PTPN2: variants seen among roughly 807,000 people sequenced by gnomAD.
PTPN2 encodes the protein protein tyrosine phosphatase non-receptor type 2, also known as tyrosine-protein phosphatase non-receptor type 2.
PTPN2 carries 19 observed loss-of-function variants against 57.3 expected under a neutral mutation model. The observed-to-expected ratio is 0.33, with a 90% confidence interval of 0.23 to 0.49. The LOEUF (loss-of-function observed/expected upper bound fraction) is 0.49, where lower values mean the gene tolerates loss of function less well. Among genes scored for constraint, PTPN2 ranks in the 20% least tolerant of loss-of-function variants. The pLI, the probability that PTPN2 is intolerant of heterozygous loss-of-function variation, is 0.99. For synonymous variants in PTPN2, 153 were observed against 164.9 expected, an observed-to-expected ratio of 0.93 and a Z score of 0.55; for missense variants, 358 against 501.1, an observed-to-expected ratio of 0.71 and a Z score of 2.73.
chr18:12,838,637 A>G (rs2042948791), intron 2 of PTPN2, among the ~76,000 whole-genome samples: 1 of 152,182 alleles, frequency 6.6e-6, no homozygotes, highest in African/African-American at 2.4e-5. Flanking sequence ...TTCCTGTTTA[A>G]CATTAATATA....
intron 5 of PTPN2, among the ~76,000 whole-genome samples, chr18:12,818,055 T>C (rs773811888): frequency 6.6e-6 from 1 of 152,122 alleles, no homozygotes; most frequent in South Asian, 2.1e-4. Flanking sequence ...GGCAGGAGAA[T>C]TGCTTGAACC....
intron 9 of PTPN2, chr18:12,786,803 C>T (rs1183849665): frequency 6.6e-6 from 1 of 152,156 alleles, no homozygotes; most frequent in Non-Finnish European, 1.5e-5. Flanking sequence ...ATAATTGTAC[C>T]AAGCACCTTG....
Position 12,820,160 on chromosome 18 carries a change from C to G in PTPN2, c.496-2795G>C, listed in dbSNP as rs576096813. On this transcript the variant is annotated intron_variant, in intron 5 of 8. Coordinates refer to ENST00000309660, the MANE Select transcript of PTPN2 (RefSeq NM_002828.4). The stretch of plus-strand genomic sequence containing the variant: ...CAACTTTTTTCACATTCAGGTCACG[C>G]TGTCTGGGATATTGGAAGCCAGTTC... 2.6e-5 allele frequency among the ~76,000 whole-genome samples: 4 copies of G among 152,290 alleles called. No individual in the cohort carries two copies. The East Asian group carries it at 7.7e-4, about 29-fold the overall frequency.
chr18:12,790,917 A>G (rs2040967825), downstream of PTPN2, among the ~76,000 whole-genome samples: 1 of 152,192 alleles, frequency 6.6e-6, no homozygotes, highest in Non-Finnish European at 1.5e-5. Flanking sequence ...AATGAAATGG[A>G]CTAAGAACAT....
At chr18:12,873,932 C>T (rs1322076008) in intron 1 of PTPN2, among the ~76,000 whole-genome samples, 10 of 148,324 alleles carry the variant, frequency 6.7e-5, no homozygotes, top group Admixed American at 2.6e-4. Flanking sequence ...CGCCTCTGCC[C>T]GGTCGCGACC....
chr18:12,807,586 A>AATATATATATATATATATATATATAT (rs1339941310), intron 7 of PTPN2, among the ~76,000 whole-genome samples: 2 of 35,172 alleles, frequency 5.7e-5, no homozygotes, highest in African/African-American at 7.0e-5. Flanking sequence ...AAAAAAAAAA[A>AATATATATATATATATATATATATAT]ATATATATAT....
At chr18:12,835,053 C>A (rs538062463) in intron 3 of PTPN2, among the ~76,000 whole-genome samples, 1 of 151,912 alleles carries the variant, frequency 6.6e-6, no homozygotes. Context: ...CCATGAATAC[C>A]GTATTTCCGA....
chr18:12,800,684 T>G (rs985493214), intron 8 of PTPN2, among the ~76,000 whole-genome samples: 6 of 152,196 alleles, frequency 3.9e-5, no homozygotes, highest in African/African-American at 1.4e-4. Context: ...TATGGCAGAC[T>G]TCGACTATTT....
At chr18:12,798,982 A>T (rs915103995) in intron 8 of PTPN2, among the ~76,000 whole-genome samples, 3 of 152,186 alleles carry the variant, frequency 2.0e-5, no homozygotes, top group African/African-American at 7.2e-5. Context: ...TTTCTTCTTT[A>T]AAAAATGTTT....
intron 1 of PTPN2, among the ~76,000 whole-genome samples, chr18:12,870,296 T>TAC (rs1226949217): frequency 1.4e-5 from 1 of 71,400 alleles, no homozygotes; most frequent in African/African-American, 8.0e-5. Context: ...TATACATATA[T>TAC]ATGTGTATAT....
At chr18:12,850,685 T>C (rs1354055845) in intron 2 of PTPN2, among the ~76,000 whole-genome samples, 1 of 152,118 alleles carries the variant, frequency 6.6e-6, no homozygotes, top group East Asian at 1.9e-4. Context: ...TTTATCTTTT[T>C]ATTAATAACC....
chr18:12,827,395 A>AT (rs74221641), intron 4 of PTPN2, among the ~76,000 whole-genome samples: 95 of 144,748 alleles, frequency 6.6e-4, no homozygotes, highest in Middle Eastern at 3.5e-3. Context: ...AAAATAAATA[A>AT]TTTTTTTTTT....
intron 3 of PTPN2, among the ~76,000 whole-genome samples, chr18:12,835,334 G>C (rs2042817331): frequency 1.3e-5 from 2 of 148,186 alleles, no homozygotes; most frequent in South Asian, 4.3e-4. Flanking sequence ...CAGATTGCTT[G>C]AGTCTGATGC....
chr18:12,859,861 T>C (rs2043730202), intron 1 of PTPN2, among the ~76,000 whole-genome samples: 2 of 152,214 alleles, frequency 1.3e-5, no homozygotes. Context: ...GCCATAAATG[T>C]TCAGCAACAA....
chr18:12,866,375 TTG>T (rs1160022773), intron 1 of PTPN2, among the ~76,000 whole-genome samples: 2 of 151,968 alleles, frequency 1.3e-5, no homozygotes, highest in African/African-American at 4.8e-5. Context: ...GAGGCGGGGC[TTG>T]CAGTGAGCCA....
chr18:12,800,863 G>C (rs1024617943), intron 8 of PTPN2, among the ~76,000 whole-genome samples: 1 of 152,192 alleles, frequency 6.6e-6, no homozygotes, highest in Non-Finnish European at 1.5e-5. Flanking sequence ...CCTAATCTGT[G>C]AGAGACAGTC....
chr18:12,879,868 C>A (rs1359771590), intron 1 of PTPN2, among the ~76,000 whole-genome samples: 1 of 152,212 alleles, frequency 6.6e-6, no homozygotes, highest in Non-Finnish European at 1.5e-5. Flanking sequence ...AAGCACAACT[C>A]TTCAAAAACA....
At chr18:12,854,753 G>A (rs2043525714) in intron 2 of PTPN2, among the ~76,000 whole-genome samples, 1 of 152,160 alleles carries the variant, frequency 6.6e-6, no homozygotes, top group Non-Finnish European at 1.5e-5. Flanking sequence ...GAGAAGGAGA[G>A]AGAAACAGAC....
At chr18:12,807,144 T>G (rs2041682577) in intron 7 of PTPN2, among the ~76,000 whole-genome samples, 2 of 152,138 alleles carry the variant, frequency 1.3e-5, no homozygotes, top group South Asian at 2.1e-4. Context: ...TAGCCATTTC[T>G]TAAAAGACAT....
Sources: gnomAD v4.1 joint callset for allele counts (sites outside exome capture counted in the v4.1 genomes callset) on GRCh38, gnomAD v4.1.1 for gene constraint, MANE v1.5 for transcripts, NCBI Gene and HGNC (gene_info 2026-07-23, HGNC 2026-07-21) for gene names.